CDA: variants seen among roughly 807,000 people sequenced by gnomAD.
CDA encodes cytidine deaminase.
A neutral mutation model predicts 15.0 loss-of-function variants in CDA; 7 were observed. That is an observed-to-expected ratio of 0.47 (90% CI 0.26 to 0.87). The LOEUF (loss-of-function observed/expected upper bound fraction) is 0.87. CDA is among the 40% of genes least tolerant of loss of function. The pLI, the probability that CDA is intolerant of heterozygous loss-of-function variation, is 0.15. For missense variants in CDA, 159 were observed against 182.7 expected (o/e 0.87, Z 0.75); for synonymous variants, 58 against 73.0 (o/e 0.79, Z 1.05).
At chr1:20,599,072 C>T (rs535064593) in intron 1 of CDA, among the ~76,000 whole-genome samples, 6 of 152,190 alleles carry the variant, frequency 3.9e-5, no homozygotes, top group East Asian at 1.9e-4. Flanking sequence ...GATAGGTGAT[C>T]GGAGAAAGCG....
chr1:20,597,424 G>A (rs962738844), intron 1 of CDA, among the ~76,000 whole-genome samples: 1 of 152,230 alleles, frequency 6.6e-6, no homozygotes, highest in East Asian at 1.9e-4. Context: ...CTGGGCGACA[G>A]AGCGAGACTC....
At chr1:20,597,025 G>T (rs926112053) in intron 1 of CDA, among the ~76,000 whole-genome samples, 1 of 152,102 alleles carries the variant, frequency 6.6e-6, no homozygotes, top group Non-Finnish European at 1.5e-5. Context: ...GCCTCTAAAA[G>T]TACTGGGATT....
rs1170274288 is a variant in CDA, at chr1:20,605,016, T to A, written c.243T>A (p.Asp81Glu). Residue 81 changes from aspartate to glutamate, a missense_variant, in exon 2 of 4, where the codon GAT becomes GAA. By Grantham distance (45) the Asp-to-Glu change is conservative. Transcript: ENST00000375071. ...IQKAVSEGYK[D>E]FRAIAIASDM... Reference sequence around the variant, plus strand: ...AGGCCGTCTCAGAAGGGTACAAGGATTTCAGGGCAATTGCTATCGCCAGGT... The same window carrying A: ...AGGCCGTCTCAGAAGGGTACAAGGAATTCAGGGCAATTGCTATCGCCAGGT... 6.2e-7 allele frequency: 1 copy of A among 1,612,938 alleles called. No homozygotes were observed. The highest frequency in any genetic ancestry group is 2.2e-5 in the East Asian group (1 of 44,876).
intron 2 of CDA, among the ~76,000 whole-genome samples, chr1:20,606,240 C>T (rs1003257794): frequency 6.8e-6 from 1 of 147,528 alleles, no homozygotes; most frequent in African/African-American, 2.5e-5. Flanking sequence ...GAGGCTGAGG[C>T]AGGAACATGG....
intron 1 of CDA, among the ~76,000 whole-genome samples, chr1:20,591,444 A>G (rs912635538): frequency 5.9e-5 from 9 of 152,192 alleles, no homozygotes; most frequent in Middle Eastern, 3.2e-3. Flanking sequence ...CACCTCTGTC[A>G]CCCTCATACT....
At chr1:20,614,940 C>T (rs1302827441) in intron 3 of CDA, among the ~76,000 whole-genome samples, 1 of 152,120 alleles carries the variant, frequency 6.6e-6, no homozygotes, top group Non-Finnish European at 1.5e-5. Flanking sequence ...CAGCTCACTG[C>T]AACCTCCGCC....
chr1:20,613,583 T>A (rs768728157), intron 2 of CDA, among the ~76,000 whole-genome samples: 2 of 151,998 alleles, frequency 1.3e-5, no homozygotes, highest in East Asian at 3.9e-4. Flanking sequence ...TATTCCCGGG[T>A]GTGGGTGATG....
intron 2 of CDA, among the ~76,000 whole-genome samples, chr1:20,606,907 T>C (rs2052699572): frequency 6.6e-6 from 1 of 152,224 alleles, no homozygotes; most frequent in South Asian, 2.1e-4. Context: ...ATTGCTCCTG[T>C]GTGCACCTTT....
In CDA at chr1:20,618,322, C is replaced by A; in HGVS notation, c.325-130C>A. 5.8e-6 allele frequency: 4 copies of A among 694,426 alleles called. No homozygotes were observed. In the South Asian group the frequency reaches 6.0e-5, roughly 10 times the overall value. 43.0% of individuals were successfully genotyped at this position (694,426 alleles called of 1,614,324 possible). A position where few individuals can be genotyped will look rare whatever the true frequency, so the allele number is the denominator to read the frequency against. On this transcript the variant is annotated intron_variant, in intron 3 of 3. Transcript: ENST00000375071. ...ATCCAGGTACAATTATGGTCATTCCCCTTTTACAGATGAGAAAATCAAGGT... is the reference window on the plus strand; with the variant it reads ...ATCCAGGTACAATTATGGTCATTCCACTTTTACAGATGAGAAAATCAAGGT...
At chr1:20,604,818 T>C (rs2052679764) in intron 1 of CDA, 110 bp from the exon 2 acceptor site, 3 of 759,760 alleles carry the variant, frequency 3.9e-6, no homozygotes, top group Admixed American at 4.0e-5. Flanking sequence ...CCCACCTTGT[T>C]TGGAGTAACC....
At chr1:20,603,316 A>G (rs1453938856) in intron 1 of CDA, among the ~76,000 whole-genome samples, 1 of 152,182 alleles carries the variant, frequency 6.6e-6, no homozygotes, top group Non-Finnish European at 1.5e-5. Context: ...CTCTCACACA[A>G]CAATTCAGAG....
chr1:20,609,895 T>TCAGAGAGGTCCCCATCATCCC (rs1553143405), intron 2 of CDA, among the ~76,000 whole-genome samples: 1 of 152,156 alleles, frequency 6.6e-6, no homozygotes, highest in Admixed American at 6.5e-5. Context: ...GGAAGCGTCC[T>TCAGAGAGGTCCCCATCATCCC]CAGAGAGGTC....
At chr1:20,596,104 G>A (rs769241296) in intron 1 of CDA, among the ~76,000 whole-genome samples, 1 of 151,890 alleles carries the variant, frequency 6.6e-6, no homozygotes, top group Non-Finnish European at 1.5e-5. Context: ...AGCTGAGATC[G>A]CACCATTGCA....
rs1237368025 is a variant in CDA, at chr1:20,593,118, T to C, written c.154+3835T>C. Among the ~76,000 whole-genome samples, 4 of 151,642 alleles carry C rather than the reference T, an allele frequency of 2.6e-5. No individual in the cohort carries two copies. In the East Asian group the frequency reaches 7.7e-4, roughly 29 times the overall value. ...AAAAAATAAAAAACAAAATAAGAAA[T>C]AAAGTAAAGGCACATGGCTTTAGGA... On this transcript the variant is annotated intron_variant, in intron 1 of 3. Transcript: ENST00000375071.
At chr1:20,601,518 T>C (rs1330884030) in intron 1 of CDA, among the ~76,000 whole-genome samples, 1 of 152,170 alleles carries the variant, frequency 6.6e-6, no homozygotes, top group African/African-American at 2.4e-5. Flanking sequence ...CAAAGTAGAA[T>C]TCCAAACCAG....
intron 2 of CDA, among the ~76,000 whole-genome samples, chr1:20,613,428 C>T (rs2052772237): frequency 6.6e-6 from 1 of 152,218 alleles, no homozygotes; most frequent in South Asian, 2.1e-4. Context: ...TGGTCTCGAA[C>T]TCCTGCCCTC....
At chr1:20,613,932 A>G (rs2052778078) in intron 3 of CDA, 33 bp downstream of exon 3, 1 of 1,604,428 alleles carries the variant, frequency 6.2e-7, no homozygotes, top group African/African-American at 1.3e-5. Flanking sequence ...TGGAATGCAA[A>G]TATCTTCCCT....
intron 1 of CDA, among the ~76,000 whole-genome samples, chr1:20,590,790 T>G (rs2052540715): frequency 6.6e-6 from 1 of 152,136 alleles, no homozygotes; most frequent in Admixed American, 6.6e-5. Flanking sequence ...AGTGACTGAT[T>G]GGATGAATGA....
rs2052784512 is a variant in CDA, at chr1:20,614,442, A to G, written c.324+543A>G. Among the ~76,000 whole-genome samples the G allele has an allele frequency of 2.0e-5, 3 of 152,156 alleles. No homozygotes were observed. In the South Asian group the frequency reaches 6.2e-4, roughly 31 times the overall value. The stretch of plus-strand genomic sequence containing the variant: ...TACAGCCATGGCCATTCATTCACCT[A>G]TTGTCCATAGCCACTTTGCCCTGAC... On this transcript the variant is annotated intron_variant, in intron 3 of 3. Coordinates refer to ENST00000375071, the MANE Select transcript of CDA (RefSeq NM_001785.3).
Sources: allele counts gnomAD v4.1 joint callset (sites outside exome capture counted in the v4.1 genomes callset), GRCh38; gene constraint gnomAD v4.1.1; transcripts MANE v1.5; gene names NCBI Gene and HGNC (gene_info 2026-07-23, HGNC 2026-07-21).